NLGN4X: variants seen among roughly 807,000 people sequenced by gnomAD.
NLGN4X encodes the protein neuroligin-4, X-linked.
NLGN4X carries 3 observed loss-of-function variants against 40.3 expected under a neutral mutation model. The ratio of observed to expected loss-of-function variants is 0.07; its 90% CI spans 0.03 to 0.19. NLGN4X has a LOEUF of 0.19. Ranked by LOEUF, NLGN4X falls within the 10% of genes least tolerant of loss-of-function variation. The probability of loss-of-function intolerance (pLI) is 1.00; values close to 1 mark genes in which losing one functional copy is unlikely to be tolerated. For missense variants in NLGN4X, 382 were observed against 708.3 expected (o/e 0.54, Z 5.23); for synonymous variants, 270 against 306.8 (o/e 0.88, Z 1.25).
At chrX:6,004,768 C>T (rs1346612656) in intron 3 of NLGN4X, among the ~76,000 whole-genome samples, 1 of 111,626 alleles carries the variant, frequency 9.0e-6, no homozygotes, top group African/African-American at 3.3e-5. Flanking sequence ...TCCCCCATTC[C>T]CTGGGGCTTC....
intron 2 of NLGN4X, among the ~76,000 whole-genome samples, chrX:6,079,941 C>T (rs2038304922): frequency 9.0e-6 from 1 of 111,046 alleles, no homozygotes. Flanking sequence ...ACAAGATCCC[C>T]TGACTCAAAT....
At chrX:6,181,337 T>C (rs1351133466) in intron 1 of NLGN4X, among the ~76,000 whole-genome samples, 1 of 111,786 alleles carries the variant, frequency 8.9e-6, no homozygotes, top group Non-Finnish European at 1.9e-5. Flanking sequence ...AGTGATAGAC[T>C]AAAAGGAGTG....
Position 5,890,869 on chromosome X carries a change from G to A in NLGN4X, c.*1948C>T, listed in dbSNP as rs970931083. ...TTTCTAGAGGTCACTCTCAAACACT[G>A]ATATATCACTATAGTTTGAGTGTAG... is the stretch of plus-strand genomic sequence containing the variant. On this transcript the variant is annotated 3_prime_UTR_variant, in exon 6 of 6. Coordinates refer to ENST00000381095, the MANE Select transcript of NLGN4X (RefSeq NM_181332.3). 3.1e-6 allele frequency: 1 copy of A among 323,477 alleles called. No individual in the cohort carries two copies. Among genetic ancestry groups the A allele is most frequent in the Admixed American group, 3.2e-5 (1 of 31,061 alleles). The allele number at this position is 323,477 out of a possible 1,213,427, so 26.7% of individuals were successfully genotyped here. A position where few individuals can be genotyped will look rare whatever the true frequency, so the allele number is the denominator to read the frequency against.
At chrX:5,933,684 AAAATG>A (rs2146875881) in intron 3 of NLGN4X, among the ~76,000 whole-genome samples, 1 of 111,958 alleles carries the variant, frequency 8.9e-6, no homozygotes, top group Admixed American at 9.6e-5. Context: ...TTTCAAAAAC[AAAATG>A]TACAGTTACG....
intron 2 of NLGN4X, among the ~76,000 whole-genome samples, chrX:6,117,905 A>G (rs937636271): frequency 8.9e-6 from 1 of 111,761 alleles, no homozygotes. Flanking sequence ...AAAGACTTGG[A>G]AGAGAAGTGG....
chrX:6,007,631 T>C (rs1443584364), intron 3 of NLGN4X, among the ~76,000 whole-genome samples: 1 of 112,098 alleles, frequency 8.9e-6, no homozygotes, highest in African/African-American at 3.2e-5. Context: ...ATACAAAATA[T>C]AGCATGTAGC....
intron 2 of NLGN4X, among the ~76,000 whole-genome samples, chrX:6,063,807 T>A (rs1233664157): frequency 1.8e-5 from 2 of 111,872 alleles, no homozygotes; most frequent in Non-Finnish European, 3.8e-5. Flanking sequence ...TGAGAGATAA[T>A]CACTTAAGGA....
At chrX:6,002,767 C>T (rs1025164171) in intron 3 of NLGN4X, among the ~76,000 whole-genome samples, 26 of 111,638 alleles carry the variant, frequency 2.3e-4, no homozygotes, top group African/African-American at 7.8e-4. Flanking sequence ...GCCTGCCCTG[C>T]ACCACATCCT....
chrX:6,090,566 TTCA>T (rs1356296059), intron 2 of NLGN4X, among the ~76,000 whole-genome samples: 1 of 111,905 alleles, frequency 8.9e-6, no homozygotes, highest in Non-Finnish European at 1.9e-5. Context: ...ATTTCAATTT[TTCA>T]TCAACAGTAA....
At chrX:5,927,598 C>T (rs186676819) in intron 3 of NLGN4X, among the ~76,000 whole-genome samples, 4 of 112,338 alleles carry the variant, frequency 3.6e-5, no homozygotes, top group African/African-American at 6.5e-5. Context: ...CTTCTTGCAG[C>T]GCTAAAACCA....
intron 2 of NLGN4X, among the ~76,000 whole-genome samples, chrX:6,032,456 T>G (rs1399594856): frequency 1.8e-5 from 2 of 109,554 alleles, no homozygotes; most frequent in Non-Finnish European, 3.8e-5. Context: ...ATTACTCTTT[T>G]CATGTTTAGA....
At chrX:6,093,265 C>A (rs1265764301) in intron 2 of NLGN4X, among the ~76,000 whole-genome samples, 1 of 111,769 alleles carries the variant, frequency 8.9e-6, no homozygotes, top group Non-Finnish European at 1.9e-5. Flanking sequence ...GAGCAGGGAA[C>A]AAAGGTATTC....
intron 3 of NLGN4X, among the ~76,000 whole-genome samples, chrX:5,925,879 C>CAT (rs2033268045): frequency 3.3e-3 from 156 of 46,708 alleles, no homozygotes; most frequent in Middle Eastern, 0.021. Flanking sequence ...TATACATACA[C>CAT]ACATATATAT....
chrX:6,136,042 A>G (rs2039811914), intron 2 of NLGN4X, among the ~76,000 whole-genome samples: 1 of 112,096 alleles, frequency 8.9e-6, no homozygotes, highest in Non-Finnish European at 1.9e-5. Context: ...AAGTTGGGTT[A>G]CAATCTGGCC....
chrX:6,156,000 A>G (rs1198955348), intron 1 of NLGN4X, among the ~76,000 whole-genome samples: 4 of 112,374 alleles, frequency 3.6e-5, no homozygotes, highest in Non-Finnish European at 5.6e-5. Context: ...TTTCTCAAGG[A>G]ACTTAAAAGA....
intron 3 of NLGN4X, among the ~76,000 whole-genome samples, chrX:5,968,248 A>T (rs944083360): frequency 9.3e-5 from 10 of 107,499 alleles, no homozygotes; most frequent in Non-Finnish European, 3.8e-5. Flanking sequence ...ATGAGAATTG[A>T]CACTCTTAAT....
Position 6,057,858 on chromosome X carries a change from A to G in NLGN4X, c.473-28426T>C, listed in dbSNP as rs192553206. ...TGAAAGTCAACAACAATGAAAATAC[A>G]ATCAGGTGAGCCCAAAGCAATTTAC... On this transcript the variant is annotated intron_variant, in intron 2 of 5. Coordinates refer to ENST00000381095, the MANE Select transcript of NLGN4X (RefSeq NM_181332.3). Among the ~76,000 whole-genome samples, 8 of 111,873 alleles carry G rather than the reference A, an allele frequency of 7.2e-5. 1 individual carries two copies. The Admixed American group carries it at 7.6e-4, about 11-fold the overall frequency.
Position 5,897,671 on chromosome X carries a change from T to C in NLGN4X, c.1602-4005A>G, listed in dbSNP as rs1275166685. Among the ~76,000 whole-genome samples the C allele has an allele frequency of 8.1e-5, 9 of 111,733 alleles. No individual in the cohort carries two copies. The Admixed American group carries it at 8.5e-4, about 11-fold the overall frequency. On this transcript the variant is annotated intron_variant, in intron 5 of 5. Coordinates refer to ENST00000381095, the MANE Select transcript of NLGN4X (RefSeq NM_181332.3). ...AATAATAAAAAAGAAATAGCAAGGATTACTTGAGGCCCTGGCATTCAATGA... is the reference window on the plus strand; with the variant it reads ...AATAATAAAAAAGAAATAGCAAGGACTACTTGAGGCCCTGGCATTCAATGA...
rs377674905 is a variant in NLGN4X, at chrX:6,126,535, G to A, written c.472+24460C>T. Among the ~76,000 whole-genome samples, 8 of 111,512 alleles carry A rather than the reference G, an allele frequency of 7.2e-5. No homozygotes were observed. The East Asian group carries it at 1.1e-3, about 16-fold the overall frequency. The stretch of plus-strand genomic sequence containing the variant: ...ATATAATCAATGTATAAAAAAGATC[G>A]ACATTCTTTTATACCAGGAGTAGAA... On this transcript the variant is annotated intron_variant, in intron 2 of 5. Coordinates refer to ENST00000381095, the MANE Select transcript of NLGN4X (RefSeq NM_181332.3).
Sources: gnomAD v4.1 joint callset for allele counts (sites outside exome capture counted in the v4.1 genomes callset) on GRCh38, gnomAD v4.1.1 for gene constraint, MANE v1.5 for transcripts, NCBI Gene and HGNC (gene_info 2026-07-23, HGNC 2026-07-21) for gene names.